NAV1: variants seen among roughly 807,000 people sequenced by gnomAD.
The protein encoded by NAV1 is pore membrane and/or filament interacting like protein 3.
NAV1 carries 18 observed loss-of-function variants against 175.2 expected under a neutral mutation model. That is an observed-to-expected ratio of 0.10 (90% CI 0.07 to 0.15). The LOEUF (loss-of-function observed/expected upper bound fraction) is 0.15. NAV1 is among the 10% of genes least tolerant of loss of function. The pLI is 1.00. For synonymous variants in NAV1, 897 were observed against 978.7 expected (o/e 0.92, Z 1.56); for missense variants, 1,731 against 2,436.6 (o/e 0.71, Z 6.10).
intron 1 of NAV1, among the ~76,000 whole-genome samples, chr1:201,662,159 C>G (rs1669637670): frequency 6.6e-6 from 1 of 152,234 alleles, no homozygotes; most frequent in African/African-American, 2.4e-5. Context: ...CCACAGGCAT[C>G]GTAAGCCCTG....
chr1:201,786,519 G>C (rs142297256), exon 9 of NAV1: 72 of 1,613,886 alleles, frequency 4.5e-5, no homozygotes, highest in Non-Finnish European at 6.0e-5. Context: ...AGTCAGAGCT[G>C]CCTTCTCCCC....
At chr1:201,540,007 C>G (rs1004222264) in intron 1 of NAV1, among the ~76,000 whole-genome samples, 1 of 152,182 alleles carries the variant, frequency 6.6e-6, no homozygotes, top group African/African-American at 2.4e-5. Flanking sequence ...TGGGTGATCA[C>G]GGGGAGCTCA....
At chr1:201,610,197 A>T (rs758037144) in intron 2 of NAV1, among the ~76,000 whole-genome samples, 1 of 152,260 alleles carries the variant, frequency 6.6e-6, no homozygotes, top group Non-Finnish European at 1.5e-5. Context: ...TTTGTGGGAC[A>T]GTTTTAAACC....
chr1:201,683,554 TG>T (rs35734279), intron 1 of NAV1, among the ~76,000 whole-genome samples: 125,514 of 151,878 alleles, frequency 0.83, 52,086 homozygotes, highest in East Asian at 0.93. Flanking sequence ...TGACAGGAGG[TG>T]GGGCTCAGGC....
chr1:201,812,768 G>T lies in NAV1; in HGVS notation c.5221+107G>T. The stretch of plus-strand genomic sequence containing the variant: ...TTCCTGGAGTCTTCGGCATGTAAAG[G>T]AGCTGCAAGCCTTGTGGCTTCAGAC... On this transcript the variant is annotated intron_variant, in intron 27 of 29. Coordinates refer to ENST00000367296, the Ensembl canonical transcript of NAV1. The surrounding 1 kb of genome is among the most constrained non-coding windows in gnomAD (Gnocchi z 4.6). 5.8e-6 allele frequency: 6 copies of T among 1,036,212 alleles called. No individual in the cohort carries two copies. The highest frequency in any genetic ancestry group is 2.1e-5 in the Admixed American group (1 of 46,738). The allele number at this position is 1,036,212 out of a possible 1,614,324, so 64.2% of individuals were successfully genotyped here.
exon 30 of NAV1, chr1:201,822,268 C>T (rs1679428056): frequency 6.5e-6 from 1 of 152,744 alleles, no homozygotes; most frequent in South Asian, 2.1e-4. Context: ...ATGAGGAGGC[C>T]CCCGAGCTGG....
chr1:201,594,187 A>G (rs926083081), intron 2 of NAV1, among the ~76,000 whole-genome samples: 2 of 151,428 alleles, frequency 1.3e-5, no homozygotes, highest in Non-Finnish European at 2.9e-5. Flanking sequence ...TTCTTTGCCC[A>G]TTGGTAGATC....
chr1:201,816,052 A>C (rs926060121), intron 28 of NAV1, among the ~76,000 whole-genome samples: 1 of 151,484 alleles, frequency 6.6e-6, no homozygotes, highest in African/African-American at 2.4e-5. Flanking sequence ...ATAGATTTTA[A>C]GTGTTCTCAC....
chr1:201,585,604 C>A (rs531372774), intron 1 of NAV1, among the ~76,000 whole-genome samples: 47 of 151,740 alleles, frequency 3.1e-4, no homozygotes, highest in Non-Finnish European at 6.0e-4. Flanking sequence ...TAAAAAACTT[C>A]TACAATTTAA....
At chr1:201,793,804 G>C in exon 14 of NAV1, 1 of 1,600,958 alleles carries the variant, frequency 6.2e-7, no homozygotes, top group Non-Finnish European at 8.5e-7. Context: ...TAATCTGGTG[G>C]CTGCTTTTGA....
In NAV1 at chr1:201,808,189, A is replaced by ACT; in HGVS notation, c.3845+40_3845+41insCT. The ACT allele has an allele frequency of 6.2e-7, 1 of 1,606,030 alleles. No individual in the cohort carries two copies. The highest frequency in any genetic ancestry group is 1.1e-5 in the South Asian group (1 of 90,606). The stretch of plus-strand genomic sequence containing the variant: ...GCTCCCTGCCACCCAGCCTGTTACC[A>ACT]GTGTAAGCTGTGGGCTAGAGTTGAC... On this transcript the variant is annotated intron_variant, in intron 18 of 29. Transcript: ENST00000367296. This position sits in a 1 kb window ranked among gnomAD's most constrained non-coding sequence, Gnocchi z 5.5.
At chr1:201,799,433 T>G (rs909901955) in intron 15 of NAV1, among the ~76,000 whole-genome samples, 2 of 152,258 alleles carry the variant, frequency 1.3e-5, no homozygotes, top group African/African-American at 4.8e-5. Context: ...ATAATGCCTA[T>G]CTTTATTTTA....
rs1441057797 is a variant in NAV1, at chr1:201,808,158, T to G, written c.3845+9T>G. 5 of 1,613,752 alleles carry G rather than the reference T, an allele frequency of 3.1e-6. No individual in the cohort carries two copies. The highest frequency in any genetic ancestry group is 1.7e-6 in the Non-Finnish European group (2 of 1,179,724). ...GGCACTGATGTCACCGAGTAAGTGC[T>G]CTTTGGCTCCCTGCCACCCAGCCTG... On this transcript the variant is annotated intron_variant, in intron 18 of 29. Coordinates refer to ENST00000367296, the Ensembl canonical transcript of NAV1. The surrounding 1 kb of genome is among the most constrained non-coding windows in gnomAD (Gnocchi z 5.5).
chr1:201,823,363 C>T (rs376065080), exon 30 of NAV1: 1 of 114,634 alleles, frequency 8.7e-6, no homozygotes, highest in Non-Finnish European at 2.2e-5. Flanking sequence ...CTGATGTCTG[C>T]GTGTGTGTGT....
intron 1 of NAV1, among the ~76,000 whole-genome samples, chr1:201,659,493 G>T (rs748295129): frequency 6.6e-6 from 1 of 152,160 alleles, no homozygotes; most frequent in African/African-American, 2.4e-5. Context: ...GGTGGCTTGT[G>T]CCTATAGCCC....
intron 2 of NAV1, among the ~76,000 whole-genome samples, chr1:201,607,057 G>A (rs970664847): frequency 2.6e-5 from 4 of 151,884 alleles, no homozygotes; most frequent in African/African-American, 2.4e-5. Flanking sequence ...ACATAATAGT[G>A]GAAAATTGGA....
intron 3 of NAV1, among the ~76,000 whole-genome samples, chr1:201,736,888 T>C (rs1673135424): frequency 6.6e-6 from 1 of 151,990 alleles, no homozygotes; most frequent in Admixed American, 6.6e-5. Flanking sequence ...TCAGCAGGTG[T>C]CATCCTCCTC....
chr1:201,728,599 C>CA (rs1278753255), intron 3 of NAV1, among the ~76,000 whole-genome samples: 3,272 of 58,700 alleles, frequency 0.056, 107 homozygotes, highest in East Asian at 0.25. Flanking sequence ...CATCGCAAAA[C>CA]AAAAAAAAAA....
At chr1:201,815,867 T>C (rs1386801929) in intron 28 of NAV1, among the ~76,000 whole-genome samples, 1 of 152,042 alleles carries the variant, frequency 6.6e-6, no homozygotes, top group African/African-American at 2.4e-5. Context: ...GCCTCCCAAG[T>C]AGCTGGGATT....
Sources: allele counts gnomAD v4.1 joint callset (sites outside exome capture counted in the v4.1 genomes callset), GRCh38; gene constraint gnomAD v4.1.1; non-coding constraint Gnocchi (gnomAD v3.1); transcripts MANE v1.5; gene names NCBI Gene and HGNC (gene_info 2026-07-23, HGNC 2026-07-21).